RANBP2: variants seen among roughly 807,000 people sequenced by gnomAD.
RANBP2 encodes RAN binding protein 2.
Under a neutral mutation model 303.6 loss-of-function variants are expected in RANBP2, and 57 were observed. The observed-to-expected ratio is 0.19, with a 90% CI of 0.15 to 0.23. RANBP2 has a LOEUF of 0.23. Ranked by LOEUF, RANBP2 falls within the 10% of genes least tolerant of loss-of-function variation. The pLI is 1.00. For missense variants in RANBP2, 3,138 were observed against 3,780.8 expected, an observed-to-expected ratio of 0.83 and a Z score of 4.46; for synonymous variants, 1,167 against 1,301.5, an observed-to-expected ratio of 0.90 and a Z score of 2.23.
chr2:109,154,325 T>C, the RANBP2 span, among the ~76,000 whole-genome samples: 11 of 152,110 alleles, frequency 7.2e-5, 1 homozygote, highest in South Asian at 2.3e-3. Context: ...GGGTAGGTGA[T>C]TGGGGTTATC....
At chr2:108,732,434 C>T (rs1270650013) in intron 4 of RANBP2, among the ~76,000 whole-genome samples, 2 of 152,128 alleles carry the variant, frequency 1.3e-5, no homozygotes, top group Admixed American at 6.5e-5. Context: ...GGATGCTCTA[C>T]CTGCTAAGTA....
the RANBP2 span, among the ~76,000 whole-genome samples, chr2:109,665,969 G>C: frequency 6.6e-6 from 1 of 151,874 alleles, no homozygotes; most frequent in African/African-American, 2.4e-5. Context: ...AAATTAGCTG[G>C]GTGTGGTGGT....
At chr2:109,023,637 T>C in the RANBP2 span, among the ~76,000 whole-genome samples, 2,962 of 152,162 alleles carry the variant, frequency 0.019, 100 homozygotes, top group African/African-American at 0.064. Flanking sequence ...ACCCTGTCTC[T>C]ACAAAAACAT....
chr2:109,512,670 G>C, the RANBP2 span, among the ~76,000 whole-genome samples: 1 of 152,156 alleles, frequency 6.6e-6, no homozygotes, highest in Non-Finnish European at 1.5e-5. Context: ...CACAGAGGCT[G>C]AGCAAGAAAG....
chr2:109,699,448 C>T, the RANBP2 span, among the ~76,000 whole-genome samples: 1 of 152,190 alleles, frequency 6.6e-6, no homozygotes, highest in Non-Finnish European at 1.5e-5. Flanking sequence ...GACCAAAAGC[C>T]TTACCAATGA....
At chr2:109,103,208 C>T in the RANBP2 span, among the ~76,000 whole-genome samples, 1 of 152,200 alleles carries the variant, frequency 6.6e-6, no homozygotes, top group Non-Finnish European at 1.5e-5. Context: ...TCTGCCCTAA[C>T]GTTATAACTA....
At chr2:109,577,296 G>A in the RANBP2 span, among the ~76,000 whole-genome samples, 2 of 152,126 alleles carry the variant, frequency 1.3e-5, no homozygotes, top group African/African-American at 4.8e-5. Flanking sequence ...ACCTCGTGTA[G>A]TTAAAAAATA....
the RANBP2 span, among the ~76,000 whole-genome samples, chr2:109,019,501 C>T: frequency 2.6e-5 from 4 of 152,250 alleles, no homozygotes; most frequent in East Asian, 7.7e-4. Context: ...AGGGCTGCAC[C>T]ATCATCCCAC....
rs553722343 is a variant in RANBP2 at position 108,728,382 on chromosome 2, C to T, written c.73-750C>T. Among the ~76,000 whole-genome samples, 6 of 152,270 alleles carry T rather than the reference C, an allele frequency of 3.9e-5. No individual in the cohort carries two copies. In the South Asian group the frequency reaches 1.0e-3, roughly 26 times the overall value. ...AGTCATAACTCACGGCAGTGTCAAC[C>T]TCCTGGGCTCAAGTGATTCTCCTTC... On this transcript the variant is annotated intron_variant, in intron 1 of 28. Transcript: ENST00000283195.
chr2:109,614,803 C>A, the RANBP2 span: 16 of 1,466,516 alleles, frequency 1.1e-5, no homozygotes, highest in East Asian at 3.0e-5. Context: ...GAGCCCGAGG[C>A]CCCCGACGGC....
At chr2:108,930,264 G>T in the RANBP2 span, 26 of 1,613,894 alleles carry the variant, frequency 1.6e-5, no homozygotes, top group Middle Eastern at 1.6e-4. Context: ...GGGGGGTGTT[G>T]TGGCCTCCGT....
the RANBP2 span, among the ~76,000 whole-genome samples, chr2:109,706,246 C>G: frequency 1.3e-5 from 2 of 152,216 alleles, no homozygotes. Context: ...CTGCTCACAC[C>G]GGCATTGCTG....
the RANBP2 span, among the ~76,000 whole-genome samples, chr2:108,922,394 G>A: frequency 6.6e-6 from 1 of 152,264 alleles, no homozygotes; most frequent in Non-Finnish European, 1.5e-5. Context: ...GGCTGGCCAG[G>A]AAAATGGCTT....
At chr2:109,002,347 G>A in the RANBP2 span, among the ~76,000 whole-genome samples, 3 of 152,160 alleles carry the variant, frequency 2.0e-5, no homozygotes, top group South Asian at 2.1e-4. Flanking sequence ...TAGGTTTAAT[G>A]CAAAGGGCAC....
the RANBP2 span, among the ~76,000 whole-genome samples, chr2:109,422,966 G>C: frequency 6.6e-6 from 1 of 152,142 alleles, no homozygotes; most frequent in Non-Finnish European, 1.5e-5. Flanking sequence ...GCCTGGGTCT[G>C]ACTCGGTCCA....
the RANBP2 span, chr2:109,127,456 T>C: frequency 6.6e-5 from 10 of 152,384 alleles, no homozygotes; most frequent in African/African-American, 2.4e-4. Flanking sequence ...ATGTAAACTT[T>C]ATGTGTTAGT....
chr2:108,786,693 C>A, downstream of RANBP2: 1 of 867,256 alleles, frequency 1.2e-6, no homozygotes, highest in Non-Finnish European at 1.8e-6. Flanking sequence ...CGCCCCGCCC[C>A]GCCCTTTCCC....
At chr2:109,396,667 G>A in the RANBP2 span, among the ~76,000 whole-genome samples, 8 of 152,214 alleles carry the variant, frequency 5.3e-5, no homozygotes, top group African/African-American at 1.9e-4. Flanking sequence ...GCATTGAGGG[G>A]AATCTCCTAG....
the RANBP2 span, among the ~76,000 whole-genome samples, chr2:109,703,898 C>A: frequency 2.6e-5 from 4 of 152,194 alleles, no homozygotes; most frequent in Non-Finnish European, 5.9e-5. Flanking sequence ...ATGAGGTCCA[C>A]ACCGCGTAAA....
Sources: allele counts gnomAD v4.1 joint callset (sites outside exome capture counted in the v4.1 genomes callset), GRCh38; gene constraint gnomAD v4.1.1; transcripts MANE v1.5; gene names NCBI Gene and HGNC (gene_info 2026-07-23, HGNC 2026-07-21).